CFH: variants seen among roughly 807,000 people sequenced by gnomAD.
CFH encodes the protein complement factor H.
Under a neutral mutation model 147.3 loss-of-function variants are expected in CFH, and 53 were observed. The observed-to-expected ratio is 0.36, with a 90% CI of 0.29 to 0.45. The LOEUF is 0.45. CFH is among the 20% of genes least tolerant of loss of function. The probability of loss-of-function intolerance (pLI) is 1.00; values close to 1 mark genes in which losing one functional copy is unlikely to be tolerated. For synonymous variants in CFH, 536 were observed against 489.4 expected (o/e 1.10, Z -1.26); for missense variants, 1,380 against 1,498.0 (o/e 0.92, Z 1.30).
intron 9 of CFH, among the ~76,000 whole-genome samples, chr1:196,694,705 G>A (rs374318069): frequency 9.5e-4 from 144 of 152,270 alleles, no homozygotes; most frequent in South Asian, 2.1e-3. Flanking sequence ...TCTAACTGGC[G>A]TGAATTGGTT....
intron 10 of CFH, among the ~76,000 whole-genome samples, chr1:196,714,668 T>TATATATAGAG (rs1362376856): frequency 6.6e-4 from 14 of 21,312 alleles, no homozygotes; most frequent in Non-Finnish European, 1.0e-3. Context: ...TATATATATA[T>TATATATAGAG]AGAGAGAGAG....
intron 9 of CFH, among the ~76,000 whole-genome samples, chr1:196,703,130 C>T (rs967966391): frequency 5.9e-5 from 9 of 152,126 alleles, no homozygotes; most frequent in Non-Finnish European, 1.0e-4. Context: ...GAAAATAAAA[C>T]ACAAGGAATA....
intron 7 of CFH, 50 bp from the exon 8 acceptor site, chr1:196,689,366 AGTGT>A (rs1667945501): frequency 1.4e-6 from 2 of 1,459,380 alleles, no homozygotes; most frequent in Non-Finnish European, 1.9e-6. Flanking sequence ...CTCTAATATG[AGTGT>A]TTATTACAGT....
At chr1:196,741,023 T>C in intron 18 of CFH, 1 of 525,898 alleles carries the variant, frequency 1.9e-6, no homozygotes, top group Non-Finnish European at 3.4e-6. Context: ...CTGATGTATA[T>C]TCTCAGACTT....
At chr1:196,728,284 T>C (rs1441899637) in intron 14 of CFH, 62 bp from the exon 15 acceptor site, 5 of 1,102,652 alleles carry the variant, frequency 4.5e-6, no homozygotes, top group Non-Finnish European at 5.1e-6. Flanking sequence ...TAACTATTTT[T>C]ATGTAATAGT....
intron 1 of CFH, among the ~76,000 whole-genome samples, chr1:196,662,977 G>T (rs1666959640): frequency 7.1e-6 from 1 of 140,656 alleles, no homozygotes; most frequent in Non-Finnish European, 1.6e-5. Flanking sequence ...CCTGAAAATG[G>T]AAGTGATTAA....
chr1:196,675,305 A>T (rs986949032), intron 3 of CFH, among the ~76,000 whole-genome samples: 4 of 152,136 alleles, frequency 2.6e-5, no homozygotes, highest in Non-Finnish European at 5.9e-5. Context: ...CTTAAGTTCA[A>T]CATTAGATGG....
intron 15 of CFH, among the ~76,000 whole-genome samples, chr1:196,732,464 A>T (rs375683614): frequency 6.6e-6 from 1 of 151,698 alleles, no homozygotes; most frequent in Admixed American, 6.6e-5. Context: ...ACCTATATCC[A>T]CTTCCCTCAG....
intron 1 of CFH, among the ~76,000 whole-genome samples, chr1:196,653,670 T>C (rs1001438153): frequency 6.6e-6 from 1 of 152,092 alleles, no homozygotes; most frequent in Non-Finnish European, 1.5e-5. Context: ...CATCAAAGTA[T>C]ATGTGATAAT....
chr1:196,682,276 A>T (rs1667683563), intron 6 of CFH, among the ~76,000 whole-genome samples: 1 of 151,798 alleles, frequency 6.6e-6, no homozygotes, highest in Non-Finnish European at 1.5e-5. Context: ...TTGAATTAGT[A>T]TTCTAACTTC....
At chr1:196,685,298 A>G (rs543352792) in intron 7 of CFH, 61 bp downstream of exon 7, 1 of 1,521,296 alleles carries the variant, frequency 6.6e-7, no homozygotes, top group East Asian at 2.3e-5. Context: ...AAACACATAA[A>G]AAATAGGGAC....
chr1:196,663,630 T>C (rs977849609), intron 1 of CFH, among the ~76,000 whole-genome samples: 2 of 152,204 alleles, frequency 1.3e-5, no homozygotes, highest in African/African-American at 4.8e-5. Context: ...AATAATAATT[T>C]GGTGCTTAAG....
At chr1:196,717,404 A>G (rs1270534054) in intron 11 of CFH, among the ~76,000 whole-genome samples, 4 of 152,142 alleles carry the variant, frequency 2.6e-5, no homozygotes, top group African/African-American at 9.7e-5. Context: ...GTTGTAATTT[A>G]ATTACCTTAA....
At chr1:196,728,578 T>A in intron 15 of CFH, 56 bp downstream of exon 15, 2 of 1,533,228 alleles carry the variant, frequency 1.3e-6, no homozygotes, top group South Asian at 2.2e-5. Context: ...GGAAAAGTAA[T>A]AGGTATGTGT....
intron 11 of CFH, among the ~76,000 whole-genome samples, chr1:196,720,896 GGTT>G (rs1336355048): frequency 1.3e-5 from 2 of 151,892 alleles, no homozygotes; most frequent in Admixed American, 1.3e-4. Context: ...TTTCCATAGA[GGTT>G]GTACTAATTT....
intron 9 of CFH, among the ~76,000 whole-genome samples, chr1:196,694,468 T>G (rs1028028663): frequency 6.6e-6 from 1 of 152,224 alleles, no homozygotes; most frequent in African/African-American, 2.4e-5. Context: ...TAAACATATG[T>G]GTGCATGTGC....
At chr1:196,656,415 A>G (rs933056540) in intron 1 of CFH, among the ~76,000 whole-genome samples, 1 of 152,092 alleles carries the variant, frequency 6.6e-6, no homozygotes, top group Non-Finnish European at 1.5e-5. Context: ...CATAGGTCAG[A>G]TGTACAATGG....
intron 15 of CFH, among the ~76,000 whole-genome samples, chr1:196,736,605 A>C (rs1055929640): frequency 6.6e-6 from 1 of 151,908 alleles, no homozygotes; most frequent in African/African-American, 2.4e-5. Flanking sequence ...TACAAGCCAA[A>C]AGTTCTATTG....
chr1:196,706,309 A>G (rs1268256325), intron 9 of CFH, among the ~76,000 whole-genome samples: 1 of 152,204 alleles, frequency 6.6e-6, no homozygotes, highest in African/African-American at 2.4e-5. Context: ...AGCATGCTAA[A>G]GAAATCTTAG....
Sources: gnomAD v4.1 joint callset for allele counts (sites outside exome capture counted in the v4.1 genomes callset) on GRCh38, gnomAD v4.1.1 for gene constraint, MANE v1.5 for transcripts, NCBI Gene and HGNC (gene_info 2026-07-23, HGNC 2026-07-21) for gene names.